NIPA2: variants seen among roughly 807,000 people sequenced by gnomAD.
The protein encoded by NIPA2 is magnesium transporter NIPA2.
A neutral mutation model predicts 29.7 loss-of-function variants in NIPA2; 11 were observed. The ratio of observed to expected loss-of-function variants is 0.37; its 90% confidence interval spans 0.23 to 0.61. The LOEUF (loss-of-function observed/expected upper bound fraction) is 0.61, where lower values mean the gene tolerates loss of function less well. Ranked by LOEUF, NIPA2 falls within the 20% of genes least tolerant of loss-of-function variation. The pLI, the probability that NIPA2 is intolerant of heterozygous loss-of-function variation, is 0.66. For missense variants in NIPA2, 426 were observed against 437.9 expected, an observed-to-expected ratio of 0.97 and a Z score of 0.24; for synonymous variants, 183 against 161.9, an observed-to-expected ratio of 1.13 and a Z score of -0.99.
chr15:22,864,224 T>C (rs934165529), intron 7 of NIPA2, among the ~76,000 whole-genome samples: 16 of 151,848 alleles, frequency 1.1e-4, no homozygotes, highest in Non-Finnish European at 2.2e-4. Context: ...GGCGTGATCT[T>C]GGCTCACTGC....
rs1441428719 is a variant in NIPA2 at position 22,839,641 on chromosome 15, T to C, written c.-351-14T>C. ...TTAAGTCTTTTGCCTACTTCTGTGTTTTCTTCTTTCTAGGCTGGAGCTACT... is the reference window on the plus strand; with the variant it reads ...TTAAGTCTTTTGCCTACTTCTGTGTCTTCTTCTTTCTAGGCTGGAGCTACT... On this transcript the variant is annotated splice_polypyrimidine_tract_variant and intron_variant, in intron 1 of 7. Coordinates refer to ENST00000337451, the MANE Select transcript of NIPA2 (RefSeq NM_030922.7). 6.6e-6 allele frequency: 1 copy of C among 152,178 alleles called. No individual in the cohort carries two copies. The highest frequency in any genetic ancestry group is 1.5e-5 in the Non-Finnish European group (1 of 68,020). 9.4% of individuals were successfully genotyped at this position (152,178 alleles called of 1,614,324 possible).
At chr15:22,840,887 A>G (rs986961505) in intron 2 of NIPA2, among the ~76,000 whole-genome samples, 17 of 152,222 alleles carry the variant, frequency 1.1e-4, no homozygotes, top group African/African-American at 4.1e-4. Context: ...ACTCATATTT[A>G]AAACACATGA....
At chr15:22,859,608 T>C (rs1262423342) in intron 6 of NIPA2, among the ~76,000 whole-genome samples, 1 of 152,184 alleles carries the variant, frequency 6.6e-6, no homozygotes, top group East Asian at 1.9e-4. Context: ...TAGATTTGCA[T>C]GCCTGGCCTG....
chr15:22,844,255 T>C (rs564053236), intron 2 of NIPA2, among the ~76,000 whole-genome samples: 3 of 152,318 alleles, frequency 2.0e-5, no homozygotes, highest in Admixed American at 2.0e-4. Context: ...ATTAGTAAAA[T>C]CAATTGTGAA....
At chr15:22,857,474 CTT>C (rs2058271692) in intron 5 of NIPA2, among the ~76,000 whole-genome samples, 1 of 150,822 alleles carries the variant, frequency 6.6e-6, no homozygotes, top group Non-Finnish European at 1.5e-5. Context: ...AGAGCAATGT[CTT>C]TGTTTTGCAC....
rs759953142 is a variant in NIPA2 at position 22,866,386 on chromosome 15, G to A, written c.622G>A (p.Ala208Thr). Residue 208 changes from alanine to threonine, a missense_variant, in exon 8 of 8, where the codon GCA (alanine) becomes ACA (threonine). Around this residue, in one of 3 missense-constraint regions of NIPA2, gnomAD observed 357 missense variants for 339.8 expected, o/e 1.05. Coordinates refer to ENST00000337451, the MANE Select transcript of NIPA2 (RefSeq NM_030922.7). ...GGGCATTGCTATCAAGGAGCTGTTT[G>A]CAGGGAAGCCTGTGCTGCGGCATCC... ...GLGIAIKELF[A>T]GKPVLRHPLA... is the part of the protein sequence containing the mutation. 6.2e-7 allele frequency: 1 copy of A among 1,614,082 alleles called. No individual in the cohort carries two copies. The highest frequency in any genetic ancestry group is 8.5e-7 in the Non-Finnish European group (1 of 1,179,952).
chr15:22,859,354 A>G (rs1348936809), intron 6 of NIPA2, among the ~76,000 whole-genome samples: 3 of 134,504 alleles, frequency 2.2e-5, no homozygotes, highest in South Asian at 2.3e-4. Flanking sequence ...GTGCAGTGGC[A>G]CGATCTCGGC....
intron 5 of NIPA2, among the ~76,000 whole-genome samples, chr15:22,857,631 G>T (rs1422392678): frequency 6.6e-6 from 1 of 151,632 alleles, no homozygotes; most frequent in Non-Finnish European, 1.5e-5. Context: ...GAGGTCAGGA[G>T]TTCAAGACCA....
chr15:22,858,417 GA>G, intron 5 of NIPA2, 122 bp from the exon 6 acceptor site: 2 of 530,318 alleles, frequency 3.8e-6, no homozygotes, highest in South Asian at 2.8e-5. Context: ...TAATAAATTG[GA>G]AAAATATGGA....
intron 3 of NIPA2, among the ~76,000 whole-genome samples, chr15:22,851,325 A>T (rs2057722598): frequency 6.6e-6 from 1 of 152,148 alleles, no homozygotes; most frequent in South Asian, 2.1e-4. Context: ...TTTGTATATT[A>T]TGCCTAATTT....
chr15:22,859,583 T>G (rs1003986384), intron 6 of NIPA2, among the ~76,000 whole-genome samples: 1 of 152,216 alleles, frequency 6.6e-6, no homozygotes, highest in African/African-American at 2.4e-5. Flanking sequence ...TGAGCCACTG[T>G]GCCCGGCCAA....
intron 3 of NIPA2, among the ~76,000 whole-genome samples, chr15:22,851,363 GAA>G (rs993533414): frequency 1.8e-4 from 28 of 152,056 alleles, no homozygotes; most frequent in African/African-American, 6.5e-4. Flanking sequence ...TTTCTTATCA[GAA>G]AGTTTTATTA....
In NIPA2 at chr15:22,867,018, GGT is replaced by G; in HGVS notation, c.*172_*173del. 1.6e-6 allele frequency: 1 copy of G among 607,414 alleles called. No homozygotes were observed. Among genetic ancestry groups the G allele is most frequent in the East Asian group, 2.9e-5 (1 of 34,954 alleles). The allele number at this position is 607,414 out of a possible 1,614,324, so 37.6% of individuals were successfully genotyped here. A position where few individuals can be genotyped will look rare whatever the true frequency, so the allele number is the denominator to read the frequency against. The stretch of plus-strand genomic sequence containing the variant: ...CTTTTCTTGTATTTAAACAAACAAT[GGT>G]AGCTCACTAAAATGACCTCAGCACA... On this transcript the variant is annotated 3_prime_UTR_variant, in exon 8 of 8. Coordinates refer to ENST00000337451, the MANE Select transcript of NIPA2 (RefSeq NM_030922.7).
chr15:22,839,718 A>C lies in NIPA2; in HGVS notation c.-288A>C. 2 of 152,334 alleles carry C rather than the reference A, an allele frequency of 1.3e-5. No homozygotes were observed. The highest frequency in any genetic ancestry group is 4.1e-4 in the South Asian group (2 of 4,830). 9.4% of individuals were successfully genotyped at this position (152,334 alleles called of 1,614,324 possible). A position where few individuals can be genotyped will look rare whatever the true frequency, so the allele number is the denominator to read the frequency against. On this transcript the variant is annotated 5_prime_UTR_variant, in exon 2 of 8. Coordinates refer to ENST00000337451, the MANE Select transcript of NIPA2 (RefSeq NM_030922.7). Reference sequence around the variant, plus strand: ...GAATAAAGGGTGGTATTTACGAGGAAATGAGAGTGAATAAGTCATCTCTAA... The same window carrying C: ...GAATAAAGGGTGGTATTTACGAGGACATGAGAGTGAATAAGTCATCTCTAA...
In NIPA2 at chr15:22,866,801, C is replaced by G; in HGVS notation, c.1037C>G (p.Thr346Ser). ...TTAACCTGTGGAATCGAACAACACA[C>G]TGGTGAAAATGTCTCCCGAAGAAAT... Reference protein sequence around the residue: ...ESLTCGIEQHTGENVSRRNGN... With the variant: ...ESLTCGIEQHSGENVSRRNGN... The change falls in exon 8 of 8, where the codon ACT (threonine) becomes AGT (serine). Residue 346 changes from threonine (T) to serine (S), a missense_variant. Physicochemically the swap from Thr to Ser is moderately conservative, Grantham distance 58. This residue lies in a region of NIPA2 where 357 missense variants were observed against 339.8 expected (regional missense o/e 1.05). Coordinates refer to ENST00000337451, the MANE Select transcript of NIPA2 (RefSeq NM_030922.7). 5 of 1,607,772 alleles carry G rather than the reference C, an allele frequency of 3.1e-6. No homozygotes were observed. Among genetic ancestry groups the G allele is most frequent in the African/African-American group, 1.3e-5 (1 of 74,766 alleles).
At position 22,851,668 on chromosome 15, in the gene NIPA2, T is replaced by A; in HGVS notation, c.-64T>A. 1 of 1,407,496 alleles carries A rather than the reference T, an allele frequency of 7.1e-7. No individual in the cohort carries two copies. The highest frequency in any genetic ancestry group is 9.8e-7 in the Non-Finnish European group (1 of 1,024,696). The allele number at this position is 1,407,496 out of a possible 1,614,324, so 87.2% of individuals were successfully genotyped here. A position where few individuals can be genotyped will look rare whatever the true frequency, so the allele number is the denominator to read the frequency against. On this transcript the variant is annotated 5_prime_UTR_variant, in exon 4 of 8. Coordinates refer to ENST00000337451, the MANE Select transcript of NIPA2 (RefSeq NM_030922.7). ...GAAGACTGCTTCATTCTGCCTCTAG[T>A]ACCAGCGGTTTCTCTGTTCTGTGAT...
intron 3 of NIPA2, among the ~76,000 whole-genome samples, chr15:22,850,352 T>C (rs796405910): frequency 2.6e-5 from 4 of 152,100 alleles, no homozygotes; most frequent in African/African-American, 9.6e-5. Context: ...GAACTGGCAC[T>C]CTGTTCCTTA....
intron 3 of NIPA2, among the ~76,000 whole-genome samples, chr15:22,845,534 T>G (rs906938270): frequency 3.3e-5 from 5 of 152,204 alleles, no homozygotes; most frequent in African/African-American, 4.8e-5. Context: ...TTTAAGGAAC[T>G]TAAAGAGTTT....
intron 5 of NIPA2, among the ~76,000 whole-genome samples, chr15:22,853,837 T>G (rs2057967817): frequency 6.6e-6 from 1 of 152,170 alleles, no homozygotes; most frequent in Non-Finnish European, 1.5e-5. Context: ...TTAGTCCTTT[T>G]TTTTGTTTTT....
Sources: gnomAD v4.1 joint callset for allele counts (sites outside exome capture counted in the v4.1 genomes callset) on GRCh38, gnomAD v4.1.1 for gene constraint, gnomAD v4.1.1 regional missense constraint, MANE v1.5 for transcripts, NCBI Gene and HGNC (gene_info 2026-07-23, HGNC 2026-07-21) for gene names.